ARHGEF1: variants seen among roughly 807,000 people sequenced by gnomAD.
ARHGEF1 encodes the protein Rho guanine nucleotide exchange factor 1.
In ARHGEF1, 40 loss-of-function variants were observed where a neutral mutation model predicts 119.7. The ratio of observed to expected loss-of-function variants is 0.33; its 90% CI spans 0.26 to 0.44. The LOEUF (loss-of-function observed/expected upper bound fraction) is 0.44, where lower values mean the gene tolerates loss of function less well. Among genes scored for constraint, ARHGEF1 ranks in the 20% least tolerant of loss-of-function variants. The pLI is 1.00. For synonymous variants in ARHGEF1, 494 were observed against 521.0 expected (o/e 0.95, Z 0.71); for missense variants, 976 against 1,268.3 (o/e 0.77, Z 3.50).
chr19:41,905,071 G>A lies in ARHGEF1; in HGVS notation c.2249+35G>A, dbSNP rs782228143. On this transcript the variant is annotated intron_variant, in intron 23 of 28. Transcript: ENST00000354532. This position sits in a 1 kb window ranked among gnomAD's most constrained non-coding sequence, Gnocchi z 6.4. ...GGTCTGAGTTCTGAGTGTGGGTGGA[G>A]GACGCCCAGGTTTCTGGGTTCCCAG... is the stretch of plus-strand genomic sequence containing the variant. 6.2e-7 allele frequency: 1 copy of A among 1,611,740 alleles called. No individual in the cohort carries two copies. Among genetic ancestry groups the A allele is most frequent in the Non-Finnish European group, 8.5e-7 (1 of 1,177,876 alleles).
Position 41,888,500 on chromosome 19 carries a change from C to A in ARHGEF1, c.111+222C>A, listed in dbSNP as rs539054643. 5.3e-5 allele frequency among the ~76,000 whole-genome samples: 8 copies of A among 152,260 alleles called. 1 individual carries two copies. The highest frequency in any genetic ancestry group is 1.9e-4 in the African/African-American group (8 of 41,548). On this transcript the variant is annotated intron_variant, in intron 3 of 28. Transcript: ENST00000354532. The surrounding 1 kb of genome is among the most constrained non-coding windows in gnomAD (Gnocchi z 5.1). ...TTTCTTATCGTTGCTCTCTCCTCCC[C>A]CAGCATGGACCCCAATTTCTTCTCT...
At chr19:41,920,850 G>A (rs1420385022), upstream of ARHGEF1, among the ~76,000 whole-genome samples, 2 of 152,224 alleles carry the variant, frequency 1.3e-5, no homozygotes, top group Non-Finnish European at 2.9e-5. Flanking sequence ...GGAGGCTCCA[G>A]GCCAGAGACA....
Position 41,902,467 on chromosome 19 carries a change from C to T in ARHGEF1, c.1498-66C>T, listed in dbSNP as rs140814302. 179 of 1,611,752 alleles carry T rather than the reference C, an allele frequency of 1.1e-4. No individual in the cohort carries two copies. The East Asian group carries it at 3.1e-3, about 28-fold the overall frequency. ...CCCAGGGTCTGGGCTTCCAGCCTGT[C>T]GTACTTTAGTCCCTGTTCTTGCCCA... is the stretch of plus-strand genomic sequence containing the variant. On this transcript the variant is annotated intron_variant, in intron 16 of 28. Coordinates refer to ENST00000354532, the MANE Select transcript of ARHGEF1 (RefSeq NM_004706.4). This position sits in a 1 kb window ranked among gnomAD's most constrained non-coding sequence, Gnocchi z 6.5.
Position 41,896,372 on chromosome 19 carries a change from C to G in ARHGEF1, c.1016-5C>G, listed in dbSNP as rs201322553. 2.2e-5 allele frequency: 32 copies of G among 1,427,078 alleles called. No homozygotes were observed. The highest frequency in any genetic ancestry group is 6.5e-5 in the South Asian group (4 of 61,416). The allele number at this position is 1,427,078 out of a possible 1,614,324, so 88.4% of individuals were successfully genotyped here. On this transcript the variant is annotated splice_polypyrimidine_tract_variant and splice_region_variant and intron_variant, in intron 12 of 28. Transcript: ENST00000354532. ...CCAGCCAGCCCTGCTCCCTCCACCC[C>G]ACAGGTGCTGACGCCCCCCTGGAGC...
chr19:41,884,906 T>G (rs782594515), intron 1 of ARHGEF1, among the ~76,000 whole-genome samples: 1 of 152,184 alleles, frequency 6.6e-6, no homozygotes, highest in Non-Finnish European at 1.5e-5. Context: ...TTAGACCCAC[T>G]GTGTGTCAAA....
chr19:41,903,461 G>A lies in ARHGEF1; in HGVS notation c.1839+54G>A. 2 of 1,545,798 alleles carry A rather than the reference G, an allele frequency of 1.3e-6. No homozygotes were observed. Among genetic ancestry groups the A allele is most frequent in the South Asian group, 1.1e-5 (1 of 88,730 alleles). On this transcript the variant is annotated intron_variant, in intron 19 of 28. Coordinates refer to ENST00000354532, the MANE Select transcript of ARHGEF1 (RefSeq NM_004706.4). This position sits in a 1 kb window ranked among gnomAD's most constrained non-coding sequence, Gnocchi z 4.2. ...ACAGTGGATGGTGTGAGAGCAGGGG[G>A]TGGACCCTACCTCAGCCTGTCCAGA...
rs140450809 is a variant in ARHGEF1 at position 41,894,033 on chromosome 19, C to T, written c.645-174C>T. ...CAGCCCTTGCCCCTGTCCTTTTGAA[C>T]CCTCTCATCTCTCCTCAGAGTCTCA... On this transcript the variant is annotated intron_variant, in intron 8 of 28. Coordinates refer to ENST00000354532, the MANE Select transcript of ARHGEF1 (RefSeq NM_004706.4). Among the ~76,000 whole-genome samples the T allele has an allele frequency of 6.7e-5, 10 of 150,024 alleles. 1 individual carries two copies. The East Asian group carries it at 1.4e-3, about 20-fold the overall frequency.
At chr19:41,887,863 A>C (rs1316344323) in intron 1 of ARHGEF1, among the ~76,000 whole-genome samples, 1 of 152,130 alleles carries the variant, frequency 6.6e-6, no homozygotes, top group Non-Finnish European at 1.5e-5. Flanking sequence ...CTGCCCCCGC[A>C]AGGCTCCCGT....
chr19:41,915,249 C>CG (rs2074793810), intron 18 of ARHGEF1, among the ~76,000 whole-genome samples: 1 of 150,258 alleles, frequency 6.7e-6, no homozygotes. Flanking sequence ...GTGGGATCGG[C>CG]GCTCCGGGCC....
rs782390197 is a variant in ARHGEF1, at chr19:41,904,937, C to G, written c.2162-12C>G. 3.7e-6 allele frequency: 6 copies of G among 1,611,830 alleles called. No individual in the cohort carries two copies. The highest frequency in any genetic ancestry group is 2.2e-5 in the East Asian group (1 of 44,882). On this transcript the variant is annotated splice_polypyrimidine_tract_variant and intron_variant, in intron 22 of 28. Coordinates refer to ENST00000354532, the MANE Select transcript of ARHGEF1 (RefSeq NM_004706.4). The surrounding 1 kb of genome is among the most constrained non-coding windows in gnomAD (Gnocchi z 8.4). ...CCTGGGCTCTGAGCCCCATCTCCCC[C>G]TCTCCCTGCAGATCACAAAGCCTTC...
chr19:41,892,991 C>A lies in ARHGEF1; in HGVS notation c.614+142C>A. On this transcript the variant is annotated intron_variant, in intron 7 of 28. Transcript: ENST00000354532. This position sits in a 1 kb window ranked among gnomAD's most constrained non-coding sequence, Gnocchi z 6.3. ...CTTGGCACTGGGGGTCTTCCTCTAC[C>A]CTGGTGTTTTAACTCACCTTGAATC... 7.8e-7 allele frequency: 1 copy of A among 1,287,570 alleles called. No homozygotes were observed. The highest frequency in any genetic ancestry group is 2.6e-5 in the East Asian group (1 of 38,796). 79.8% of individuals were successfully genotyped at this position (1,287,570 alleles called of 1,614,324 possible). A position where few individuals can be genotyped will look rare whatever the true frequency, so the allele number is the denominator to read the frequency against.
In ARHGEF1 at chr19:41,904,211, C is replaced by G. The variant is rs782796215; in HGVS notation, c.1994-5C>G. The G allele has an allele frequency of 1.1e-5, 18 of 1,613,332 alleles. No homozygotes were observed. In the South Asian group the frequency reaches 1.9e-4, roughly 17 times the overall value. On this transcript the variant is annotated splice_region_variant and splice_polypyrimidine_tract_variant and intron_variant, in intron 21 of 28. Transcript: ENST00000354532. The surrounding 1 kb of genome is among the most constrained non-coding windows in gnomAD (Gnocchi z 8.4). ...CACGCCGTGTGAGCACTGCTCGCCC[C>G]GTAGAGGTGCATGTGCTGCTGCTGG...
chr19:41,902,741 G>T lies in ARHGEF1; in HGVS notation c.1624-43G>T, dbSNP rs556505202. 6.2e-7 allele frequency: 1 copy of T among 1,613,362 alleles called. No individual in the cohort carries two copies. Among genetic ancestry groups the T allele is most frequent in the Admixed American group, 1.7e-5 (1 of 59,982 alleles). ...CCTAGGTGCCTGCGCCCTGGGGTGA[G>T]CCCAAAGCCTGGGCCATCGCAACAC... On this transcript the variant is annotated intron_variant, in intron 17 of 28. Coordinates refer to ENST00000354532, the MANE Select transcript of ARHGEF1 (RefSeq NM_004706.4). The surrounding 1 kb of genome is among the most constrained non-coding windows in gnomAD (Gnocchi z 6.5).
upstream of ARHGEF1, among the ~76,000 whole-genome samples, chr19:41,919,836 G>A (rs139774049): frequency 1.3e-5 from 2 of 152,154 alleles, no homozygotes; most frequent in East Asian, 3.9e-4. Context: ...GCCACACCAT[G>A]TGAAAACACC....
Position 41,903,605 on chromosome 19 carries a change from C to T in ARHGEF1, c.1840-102C>T, listed in dbSNP as rs572287110. 1.1e-5 allele frequency: 15 copies of T among 1,314,478 alleles called. No homozygotes were observed. Among genetic ancestry groups the T allele is most frequent in the Middle Eastern group, 1.8e-4 (1 of 5,534 alleles). 81.4% of individuals were successfully genotyped at this position (1,314,478 alleles called of 1,614,324 possible). ...GGTCAGGCCCAACCCTCAGCTTGCC[C>T]GCATCAGAAGTTGGTCTTGGCTCTC... On this transcript the variant is annotated intron_variant, in intron 19 of 28. Transcript: ENST00000354532. The surrounding 1 kb of genome is among the most constrained non-coding windows in gnomAD (Gnocchi z 4.2).
Position 41,888,777 on chromosome 19 carries a change from T to C in ARHGEF1, c.137T>C (p.Phe46Ser). 1 of 1,614,150 alleles carries C rather than the reference T, an allele frequency of 6.2e-7. No individual in the cohort carries two copies. The highest frequency in any genetic ancestry group is 8.5e-7 in the Non-Finnish European group (1 of 1,180,006). ...AACTCAGAAGAGCAAAACAGCCAGT[T>C]CCAGAGCCTGGAGCAGGTGAAGCGG... is the stretch of plus-strand genomic sequence containing the variant. ...ETNSEEQNSQ[F>S]QSLEQVKRRP... Residue 46 changes from phenylalanine to serine, a missense_variant, in exon 4 of 29, where the codon TTC (phenylalanine) becomes TCC (serine). Phe to Ser is a radical substitution (Grantham distance 155, BLOSUM62 -2). Transcript: ENST00000354532. The surrounding 1 kb of genome is among the most constrained non-coding windows in gnomAD (Gnocchi z 5.1).
rs781884761 is a variant in ARHGEF1 at position 41,894,467 on chromosome 19, G to A, written c.761G>A (p.Arg254Gln). ...FFRKKVMGNR[R>Q]SDEPAKTKKG... ...CTCTCACAGGTGATGGGGAACCGGC[G>A]GTCGGACGAGCCTGCCAAGACCAAG... Residue 254 changes from arginine (R) to glutamine (Q), a missense_variant, in exon 10 of 29, where the codon CGG (arginine) becomes CAG (glutamine). Physicochemically the swap from Arg to Gln is conservative, Grantham distance 43 (BLOSUM62 1). Transcript: ENST00000354532. 14 of 1,565,100 alleles carry A rather than the reference G, an allele frequency of 8.9e-6. No homozygotes were observed. The highest frequency in any genetic ancestry group is 1.2e-5 in the Non-Finnish European group (14 of 1,153,244).
intron 18 of ARHGEF1, among the ~76,000 whole-genome samples, chr19:41,915,240 T>TCC (rs1555851867): frequency 6.8e-6 from 1 of 147,944 alleles, no homozygotes; most frequent in African/African-American, 2.5e-5. Flanking sequence ...CGAGGAGCCG[T>TCC]GGGATCGGCG....
rs782433483 is a variant in ARHGEF1, at chr19:41,904,408, A to G, written c.2161+25A>G. On this transcript the variant is annotated intron_variant, in intron 22 of 28. Transcript: ENST00000354532. The surrounding 1 kb of genome is among the most constrained non-coding windows in gnomAD (Gnocchi z 8.4). ...GGTGAGTGCAGCCACTGCATGGCCC[A>G]GGGCAGAGGGTGTCTTTTTTGGGCA... The G allele has an allele frequency of 1.5e-5, 23 of 1,525,492 alleles. No individual in the cohort carries two copies. Among genetic ancestry groups the G allele is most frequent in the Non-Finnish European group, 1.9e-5 (22 of 1,137,206 alleles). 94.5% of individuals were successfully genotyped at this position (1,525,492 alleles called of 1,614,324 possible).
Sources: allele counts gnomAD v4.1 joint callset (sites outside exome capture counted in the v4.1 genomes callset), GRCh38; gene constraint gnomAD v4.1.1; non-coding constraint Gnocchi (gnomAD v3.1); transcripts MANE v1.5; gene names NCBI Gene and HGNC (gene_info 2026-07-23, HGNC 2026-07-21).